Variants in FAM184A observed in about 807,000 individuals in gnomAD.
The protein encoded by FAM184A is protein FAM184A.
A neutral mutation model predicts 143.8 loss-of-function variants in FAM184A; 99 were observed. That is an observed-to-expected ratio of 0.69 (90% CI 0.58 to 0.81). The LOEUF is 0.81. FAM184A is among the 40% of genes least tolerant of loss of function. FAM184A has a pLI of 0.00. For missense variants in FAM184A, 1,217 were observed against 1,310.5 expected, an observed-to-expected ratio of 0.93 and a Z score of 1.10; for synonymous variants, 427 against 446.4, an observed-to-expected ratio of 0.96 and a Z score of 0.55.
rs776327295 is a variant in FAM184A, at chr6:118,961,852, T to C, written c.3250A>G (p.Ile1084Val). ...ATATCGTGGACTGGAGAATTAGGAA[T>C]GGGATCCAGGCGGTTAGGATGTCCA... is the stretch of plus-strand genomic sequence containing the variant. ...GNGHPNRLDP[I>V]PNSPVHDIEF... is the part of the protein sequence containing the mutation. The change falls in exon 17 of 18, where the codon ATT becomes GTT. Residue 1084 changes from isoleucine (I) to valine (V), a missense_variant. Coordinates refer to ENST00000338891, the MANE Select transcript of FAM184A (RefSeq NM_024581.6). 3 of 1,613,968 alleles carry C rather than the reference T, an allele frequency of 1.9e-6. No individual in the cohort carries two copies. The East Asian group carries it at 6.7e-5, about 36-fold the overall frequency.
intron 1 of FAM184A, among the ~76,000 whole-genome samples, chr6:119,094,403 G>A (rs1403581136): frequency 7.7e-6 from 1 of 129,426 alleles, no homozygotes; most frequent in Non-Finnish European, 1.6e-5. Flanking sequence ...TTCCACTACT[G>A]TTATAATTAC....
At chr6:118,996,089 C>T (rs1311748693) in intron 9 of FAM184A, among the ~76,000 whole-genome samples, 3 of 152,036 alleles carry the variant, frequency 2.0e-5, no homozygotes, top group Non-Finnish European at 4.4e-5. Context: ...ACTGGATGGA[C>T]TTAAATTCTA....
chr6:118,993,301 T>C (rs1353534207), intron 9 of FAM184A, among the ~76,000 whole-genome samples: 1 of 152,202 alleles, frequency 6.6e-6, no homozygotes, highest in African/African-American at 2.4e-5. Flanking sequence ...TAATGAGACG[T>C]TGAGATAAGT....
At chr6:119,058,209 A>G (rs946496798) in intron 1 of FAM184A, among the ~76,000 whole-genome samples, 8 of 110,442 alleles carry the variant, frequency 7.2e-5, no homozygotes, top group Non-Finnish European at 1.0e-4. Context: ...TTTGAGATAG[A>G]GTCTTGCTCT....
intron 1 of FAM184A, among the ~76,000 whole-genome samples, chr6:119,052,430 C>T (rs1346171831): frequency 6.6e-6 from 1 of 152,222 alleles, no homozygotes; most frequent in Non-Finnish European, 1.5e-5. Context: ...ATGCAAGCCA[C>T]CACCATCTGG....
chr6:119,032,111 A>G (rs1785893118), intron 1 of FAM184A, among the ~76,000 whole-genome samples: 1 of 152,112 alleles, frequency 6.6e-6, no homozygotes, highest in African/African-American at 2.4e-5. Context: ...ATCTTTACTA[A>G]AAATACAAAA....
intron 1 of FAM184A, among the ~76,000 whole-genome samples, chr6:119,133,264 G>C (rs1022034088): frequency 6.6e-6 from 1 of 152,084 alleles, no homozygotes; most frequent in African/African-American, 2.4e-5. Flanking sequence ...TTTTTGGTGT[G>C]AGTTTGATTT....
Position 118,960,164 on chromosome 6 carries a change from G to A in FAM184A, c.3362C>T (p.Ser1121Phe). ...TFLSPAQSEA[S>F]PVASPDPQRQ... is the part of the protein sequence containing the mutation. ...CTGGGGATCTGGAGAAGCCACTGGA[G>A]AAGCTTCACTCTGAGCAGGACTGAA... The change falls in exon 18 of 18, where the codon TCT (serine) becomes TTT (phenylalanine). Residue 1121 changes from serine (S) to phenylalanine (F), a missense_variant. Transcript: ENST00000338891. The A allele has an allele frequency of 6.2e-7, 1 of 1,613,264 alleles. No homozygotes were observed. The highest frequency in any genetic ancestry group is 8.5e-7 in the Non-Finnish European group (1 of 1,179,524).
intron 1 of FAM184A, among the ~76,000 whole-genome samples, chr6:119,091,234 C>A (rs1223531354): frequency 6.6e-6 from 1 of 152,074 alleles, no homozygotes; most frequent in Non-Finnish European, 1.5e-5. Context: ...GTTAGCAGAG[C>A]CTAAGGATGT....
chr6:119,120,665 T>G (rs922240471), intron 1 of FAM184A, among the ~76,000 whole-genome samples: 6 of 152,196 alleles, frequency 3.9e-5, no homozygotes, highest in Admixed American at 1.3e-4. Flanking sequence ...CAACACTTAC[T>G]ATGGTCTGTC....
chr6:119,083,658 C>A (rs1464465482), upstream of FAM184A, among the ~76,000 whole-genome samples: 1 of 152,208 alleles, frequency 6.6e-6, no homozygotes, highest in Non-Finnish European at 1.5e-5. Context: ...GCGACCTTTA[C>A]TCCAGTTCCC....
intron 1 of FAM184A, among the ~76,000 whole-genome samples, chr6:119,114,603 A>G (rs1384457662): frequency 6.6e-6 from 1 of 152,186 alleles, no homozygotes; most frequent in African/African-American, 2.4e-5. Context: ...GTGCAGTGGC[A>G]TGATAACTAC....
At chr6:119,058,489 C>A (rs1284566580) in intron 1 of FAM184A, among the ~76,000 whole-genome samples, 1 of 152,124 alleles carries the variant, frequency 6.6e-6, no homozygotes, top group African/African-American at 2.4e-5. Context: ...AGGTGTGAGC[C>A]ACCGTGCCCA....
At chr6:119,081,936 G>T (rs531161439), upstream of FAM184A, among the ~76,000 whole-genome samples, 43 of 152,330 alleles carry the variant, frequency 2.8e-4, no homozygotes, top group South Asian at 8.5e-3. Flanking sequence ...CTGCCTGTGT[G>T]TTCCTCCACT....
rs190821540 is a variant in FAM184A at position 119,030,661 on chromosome 6, A to G, written c.160-5848T>C. Among the ~76,000 whole-genome samples, 60 of 152,124 alleles carry G rather than the reference A, an allele frequency of 3.9e-4. 1 individual carries two copies. The South Asian group carries it at 9.6e-3, about 24-fold the overall frequency. On this transcript the variant is annotated intron_variant, in intron 1 of 17. Coordinates refer to ENST00000338891, the MANE Select transcript of FAM184A (RefSeq NM_024581.6). ...ATGTAAGGCACTAAAACATGGTAAG[A>G]CTTCCTTATTAGTTGTATTATTTAT... is the stretch of plus-strand genomic sequence containing the variant.
At chr6:118,967,546 C>G (rs1267182593) in intron 14 of FAM184A, among the ~76,000 whole-genome samples, 1 of 152,076 alleles carries the variant, frequency 6.6e-6, no homozygotes, top group Non-Finnish European at 1.5e-5. Flanking sequence ...GAATTATGTT[C>G]CCTTCTAAGC....
chr6:119,030,395 G>A (rs1785823762), intron 1 of FAM184A, among the ~76,000 whole-genome samples: 1 of 151,834 alleles, frequency 6.6e-6, no homozygotes, highest in Non-Finnish European at 1.5e-5. Flanking sequence ...ATTTATTAGT[G>A]TCCTTCTCTG....
intron 9 of FAM184A, among the ~76,000 whole-genome samples, chr6:118,984,006 C>T (rs936749438): frequency 1.3e-5 from 2 of 150,456 alleles, no homozygotes; most frequent in Middle Eastern, 3.4e-3. Flanking sequence ...AAAAATTAGC[C>T]GGGAGTGGTG....
intron 4 of FAM184A, 130 bp from the exon 5 acceptor site, chr6:119,017,074 G>A (rs1011872785): frequency 1.6e-6 from 1 of 636,838 alleles, no homozygotes; most frequent in African/African-American, 1.8e-5. Context: ...TATGAAACAT[G>A]ACAACAAATC....
Sources: gnomAD v4.1 joint callset for allele counts (sites outside exome capture counted in the v4.1 genomes callset) on GRCh38, gnomAD v4.1.1 for gene constraint, MANE v1.5 for transcripts, NCBI Gene and HGNC (gene_info 2026-07-23, HGNC 2026-07-21) for gene names.